KDM1B: variants seen among roughly 807,000 people sequenced by gnomAD.
KDM1B encodes lysine demethylase 1B.
Under a neutral mutation model 107.4 loss-of-function variants are expected in KDM1B, and 63 were observed. The observed-to-expected ratio is 0.59, with a 90% CI of 0.48 to 0.72. KDM1B has a LOEUF of 0.72. KDM1B is among the 30% of genes least tolerant of loss of function. The pLI is 0.00. For synonymous variants in KDM1B, 363 were observed against 363.9 expected, an observed-to-expected ratio of 1.00 and a Z score of 0.03; for missense variants, 749 against 1,020.8, an observed-to-expected ratio of 0.73 and a Z score of 3.63.
chr6:18,207,272 GCTGGTCTGCCTGT>G (rs1788444273), intron 15 of KDM1B, 113 bp from the exon 16 acceptor site: 1 of 905,666 alleles, frequency 1.1e-6, no homozygotes, highest in East Asian at 2.4e-5. Context: ...CTCTGCCTAG[GCTGGTCTGCCTGT>G]CCCCTGCCCT....
intron 21 of KDM1B, 85 bp downstream of exon 21, chr6:18,217,970 C>A: frequency 1.4e-6 from 2 of 1,420,366 alleles, no homozygotes; most frequent in South Asian, 2.5e-5. Context: ...AGTTTAAAAA[C>A]CAATTCAAAT....
rs574942183 is a variant in KDM1B, at chr6:18,204,090, A to G, written c.1532-1447A>G. Among the ~76,000 whole-genome samples the G allele has an allele frequency of 6.6e-6, 1 of 152,182 alleles. No homozygotes were observed. Among genetic ancestry groups the G allele is most frequent in the Admixed American group, 6.5e-5 (1 of 15,280 alleles). ...GGCCTCTTGGGCATCCGCATGTTAC[A>G]ATCTAGTGCAAGAACTGAACATTTT... On this transcript the variant is annotated intron_variant, in intron 14 of 21. Coordinates refer to ENST00000650836, the MANE Select transcript of KDM1B (RefSeq NM_001364614.2). The surrounding 1 kb of genome is among the most constrained non-coding windows in gnomAD (Gnocchi z 4.9).
intron 15 of KDM1B, among the ~76,000 whole-genome samples, chr6:18,206,844 T>C (rs1359600074): frequency 2.0e-5 from 3 of 152,170 alleles, no homozygotes; most frequent in African/African-American, 7.2e-5. Flanking sequence ...GCAAGTCTGG[T>C]CTGTTTACCT....
rs577975994 is a variant in KDM1B, at chr6:18,212,439, G to T, written c.1867-49G>T. 9 of 1,075,720 alleles carry T rather than the reference G, an allele frequency of 8.4e-6. No individual in the cohort carries two copies. In the Middle Eastern group the frequency reaches 6.0e-4, roughly 72 times the overall value. 66.6% of individuals were successfully genotyped at this position (1,075,720 alleles called of 1,614,324 possible). A position where few individuals can be genotyped will look rare whatever the true frequency, so the allele number is the denominator to read the frequency against. On this transcript the variant is annotated intron_variant, in intron 17 of 21. Coordinates refer to ENST00000650836, the MANE Select transcript of KDM1B (RefSeq NM_001364614.2). The surrounding 1 kb of genome is among the most constrained non-coding windows in gnomAD (Gnocchi z 5.2). ...TTGTTGATACCAGTGTAGTGGTAGT[G>T]TGAGGTTCTGTTGCTGTTTGTTTGT...
At chr6:18,210,171 G>C (rs1317517615) in intron 17 of KDM1B, among the ~76,000 whole-genome samples, 2 of 152,102 alleles carry the variant, frequency 1.3e-5, no homozygotes, top group Non-Finnish European at 2.9e-5. Context: ...CCCCAAACTT[G>C]TAAGAGAATA....
Position 18,205,840 on chromosome 6 carries a change from A to C in KDM1B, c.1659+176A>C, listed in dbSNP as rs1399472005. 1.3e-5 allele frequency among the ~76,000 whole-genome samples: 2 copies of C among 152,070 alleles called. No homozygotes were observed. Among genetic ancestry groups the C allele is most frequent in the African/African-American group, 4.8e-5 (2 of 41,404 alleles). The stretch of plus-strand genomic sequence containing the variant: ...AACCCTGTCTCTACTAAAATACAAA[A>C]AATTAGCCAGGCCTGGTGGCGCATA... On this transcript the variant is annotated intron_variant, in intron 15 of 21. Coordinates refer to ENST00000650836, the MANE Select transcript of KDM1B (RefSeq NM_001364614.2). This position sits in a 1 kb window ranked among gnomAD's most constrained non-coding sequence, Gnocchi z 5.7.
intron 7 of KDM1B, among the ~76,000 whole-genome samples, chr6:18,173,563 A>T (rs1182979110): frequency 6.6e-6 from 1 of 152,098 alleles, no homozygotes; most frequent in Non-Finnish European, 1.5e-5. Flanking sequence ...TTTCTGAGAA[A>T]TCATTGGTTA....
At position 18,201,465 on chromosome 6, in the gene KDM1B, CTTA is replaced by C. The variant is rs1423007540; in HGVS notation, c.1360-18_1360-16del. The C allele has an allele frequency of 5.9e-6, 9 of 1,534,000 alleles. No individual in the cohort carries two copies. The South Asian group carries it at 9.8e-5, about 17-fold the overall frequency. On this transcript the variant is annotated intron_variant, in intron 13 of 21. Coordinates refer to ENST00000650836, the MANE Select transcript of KDM1B (RefSeq NM_001364614.2). The surrounding 1 kb of genome is among the most constrained non-coding windows in gnomAD (Gnocchi z 4.3). Reference sequence around the variant, plus strand: ...TTTTTCCAGGGAAAATTTTCACCTTCTTATTCTTATTATTTTGAAGCTTGGCAT... The same window carrying C: ...TTTTTCCAGGGAAAATTTTCACCTTCTTCTTATTATTTTGAAGCTTGGCAT...
chr6:18,191,472 T>G lies in KDM1B; in HGVS notation c.969+91T>G. 1.5e-6 allele frequency: 2 copies of G among 1,353,610 alleles called. No homozygotes were observed. The highest frequency in any genetic ancestry group is 2.0e-6 in the Non-Finnish European group (2 of 1,000,952). 83.8% of individuals were successfully genotyped at this position (1,353,610 alleles called of 1,614,324 possible). On this transcript the variant is annotated intron_variant, in intron 10 of 21. Coordinates refer to ENST00000650836, the MANE Select transcript of KDM1B (RefSeq NM_001364614.2). The surrounding 1 kb of genome is among the most constrained non-coding windows in gnomAD (Gnocchi z 5.1). ...CTTCATCTGGGGATGGAACCTTTTA[T>G]GCCAGGGTTTCTCAGCCGTGCCTCT...
At chr6:18,193,202 A>T (rs112962779) in intron 10 of KDM1B, among the ~76,000 whole-genome samples, 2 of 150,594 alleles carry the variant, frequency 1.3e-5, no homozygotes, top group South Asian at 4.2e-4. Flanking sequence ...TCTAAAAAAA[A>T]AAAAAAAAAA....
intron 6 of KDM1B, among the ~76,000 whole-genome samples, chr6:18,170,541 A>G (rs1193526444): frequency 6.6e-6 from 1 of 150,892 alleles, no homozygotes; most frequent in Non-Finnish European, 1.5e-5. Context: ...GTGCAGTGGT[A>G]TAATCTCAGC....
At chr6:18,161,278 C>G in intron 3 of KDM1B, 49 bp from the exon 4 acceptor site, 1 of 1,590,302 alleles carries the variant, frequency 6.3e-7, no homozygotes, top group Non-Finnish European at 8.6e-7. Context: ...CATCCTTAGT[C>G]ATTTTGCCAT....
At chr6:18,218,885 T>C (rs1240319110) in intron 21 of KDM1B, among the ~76,000 whole-genome samples, 1 of 151,940 alleles carries the variant, frequency 6.6e-6, no homozygotes, top group East Asian at 1.9e-4. Flanking sequence ...TTTAATTTAA[T>C]TTAATTATTT....
rs1159569128 is a variant in KDM1B at position 18,201,459 on chromosome 6, C to T, written c.1360-27C>T. On this transcript the variant is annotated intron_variant, in intron 13 of 21. Coordinates refer to ENST00000650836, the MANE Select transcript of KDM1B (RefSeq NM_001364614.2). This position sits in a 1 kb window ranked among gnomAD's most constrained non-coding sequence, Gnocchi z 4.3. ...AATATTTTTTTCCAGGGAAAATTTT[C>T]ACCTTCTTATTCTTATTATTTTGAA... The T allele has an allele frequency of 2.0e-6, 3 of 1,507,852 alleles. No homozygotes were observed. Among genetic ancestry groups the T allele is most frequent in the South Asian group, 2.5e-5 (2 of 78,514 alleles). The allele number at this position is 1,507,852 out of a possible 1,614,324, so 93.4% of individuals were successfully genotyped here. A position where few individuals can be genotyped will look rare whatever the true frequency, so the allele number is the denominator to read the frequency against.
intron 10 of KDM1B, among the ~76,000 whole-genome samples, chr6:18,192,962 T>C (rs1286574569): frequency 1.3e-5 from 2 of 151,826 alleles, no homozygotes; most frequent in African/African-American, 4.8e-5. Flanking sequence ...GGAGGCCCAG[T>C]TGGGTGGATT....
rs1785701551 is a variant in KDM1B, at chr6:18,172,128, TAGTG to T, written c.534+652_534+655del. ...AACACTAAACAAAGCCGGATCCTAT[TAGTG>T]AGGAAGAAAAGATTAATTGATATGC... On this transcript the variant is annotated intron_variant, in intron 7 of 21. Transcript: ENST00000650836. The surrounding 1 kb of genome is among the most constrained non-coding windows in gnomAD (Gnocchi z 5.2). Among the ~76,000 whole-genome samples the T allele has an allele frequency of 6.6e-6, 1 of 152,196 alleles. No individual in the cohort carries two copies. Among genetic ancestry groups the T allele is most frequent in the South Asian group, 2.1e-4 (1 of 4,830 alleles).
At position 18,201,660 on chromosome 6, in the gene KDM1B, A is replaced by G; in HGVS notation, c.1531+3A>G. On this transcript the variant is annotated splice_donor_region_variant and intron_variant, in intron 14 of 21. Transcript: ENST00000650836. The surrounding 1 kb of genome is among the most constrained non-coding windows in gnomAD (Gnocchi z 4.3). Reference sequence around the variant, plus strand: ...GCTCCAAGATGTCCCTTTAGGAGGTATGGGGAGAACGGTGTTCTGATTGTT... The same window carrying G: ...GCTCCAAGATGTCCCTTTAGGAGGTGTGGGGAGAACGGTGTTCTGATTGTT... 6.5e-7 allele frequency: 1 copy of G among 1,545,946 alleles called. No homozygotes were observed. The highest frequency in any genetic ancestry group is 8.7e-7 in the Non-Finnish European group (1 of 1,145,162).
At chr6:18,221,866 C>G in intron 21 of KDM1B, 43 bp from the exon 22 acceptor site, 1 of 1,424,192 alleles carries the variant, frequency 7.0e-7, no homozygotes, top group East Asian at 2.3e-5. Flanking sequence ...GATATCAACT[C>G]AACTCTATGC....
In KDM1B at chr6:18,205,957, A is replaced by C. The variant is rs1167459831; in HGVS notation, c.1659+293A>C. Among the ~76,000 whole-genome samples, 1 of 152,078 alleles carries C rather than the reference A, an allele frequency of 6.6e-6. No homozygotes were observed. Among genetic ancestry groups the C allele is most frequent in the Admixed American group, 6.6e-5 (1 of 15,262 alleles). On this transcript the variant is annotated intron_variant, in intron 15 of 21. Transcript: ENST00000650836. This position sits in a 1 kb window ranked among gnomAD's most constrained non-coding sequence, Gnocchi z 5.7. ...TAGTGAGCTGGGATCGCGCCACTGC[A>C]CTCCAGCCTGGAGTCTCAAAATAAA...
Sources: allele counts gnomAD v4.1 joint callset (sites outside exome capture counted in the v4.1 genomes callset), GRCh38; gene constraint gnomAD v4.1.1; non-coding constraint Gnocchi (gnomAD v3.1); transcripts MANE v1.5; gene names NCBI Gene and HGNC (gene_info 2026-07-23, HGNC 2026-07-21).